NFATC1: variants seen among roughly 807,000 people sequenced by gnomAD.
NFATC1 encodes the protein nuclear factor of activated T cells 1.
A neutral mutation model predicts 76.0 loss-of-function variants in NFATC1; 22 were observed. That is an observed-to-expected ratio of 0.29 (90% CI 0.21 to 0.41). The LOEUF (loss-of-function observed/expected upper bound fraction) is 0.41. Ranked by LOEUF, NFATC1 falls within the 10% of genes least tolerant of loss-of-function variation. NFATC1 has a pLI of 1.00. For synonymous variants in NFATC1, 704 were observed against 613.1 expected (o/e 1.15, Z -2.19); for missense variants, 1,357 against 1,337.7 (o/e 1.01, Z -0.23).
chr18:79,401,679 C>T lies in NFATC1; in HGVS notation c.127+5328C>T, dbSNP rs192160626. On this transcript the variant is annotated intron_variant, in intron 1 of 9. Transcript: ENST00000427363. ...GAGTGTCGCCCCACTCCCGACCTCT[C>T]TTTATGGGGTGAAAGTCGGTCCCAT... Among the ~76,000 whole-genome samples the T allele has an allele frequency of 2.5e-3, 384 of 152,370 alleles. 6 individuals are homozygous for T. The highest frequency in any genetic ancestry group is 0.02 in the Admixed American group (302 of 15,310).
chr18:79,450,217 T>G (rs2087404369), intron 4 of NFATC1, among the ~76,000 whole-genome samples: 1 of 152,170 alleles, frequency 6.6e-6, no homozygotes, highest in Non-Finnish European at 1.5e-5. Flanking sequence ...TCTCTTAACT[T>G]ACTGAAAAAT....
chr18:79,507,813 G>T (rs567606223), intron 9 of NFATC1, among the ~76,000 whole-genome samples: 1 of 152,250 alleles, frequency 6.6e-6, no homozygotes, highest in Non-Finnish European at 1.5e-5. Flanking sequence ...GTGCTTTTAC[G>T]TGAGAAGTTA....
At position 79,515,259 on chromosome 18, in the gene NFATC1, C is replaced by A. The variant is rs985424484; in HGVS notation, c.2783-12269C>A. ...ACTCAGGAGGCTGAGGCAGGAGAAT[C>A]GCTTGAACCTGGAAGGTTGCAGTGA... On this transcript the variant is annotated intron_variant, in intron 9 of 9. Transcript: ENST00000427363. Among the ~76,000 whole-genome samples the A allele has an allele frequency of 4.7e-5, 7 of 150,106 alleles. 1 individual carries two copies. Among genetic ancestry groups the A allele is most frequent in the Admixed American group, 4.7e-4 (7 of 15,016 alleles).
chr18:79,398,786 A>G (rs1275324577), intron 1 of NFATC1, among the ~76,000 whole-genome samples: 1 of 152,254 alleles, frequency 6.6e-6, no homozygotes, highest in African/African-American at 2.4e-5. Context: ...AACAATGTAC[A>G]GGCCGGGCGC....
intron 9 of NFATC1, among the ~76,000 whole-genome samples, chr18:79,488,896 G>A (rs2089598569): frequency 6.8e-6 from 1 of 148,074 alleles, no homozygotes; most frequent in African/African-American, 2.5e-5. Context: ...TCCCGGTCAT[G>A]TTTCTGCTGC....
intron 9 of NFATC1, among the ~76,000 whole-genome samples, chr18:79,507,625 G>A (rs965626535): frequency 6.6e-6 from 1 of 152,236 alleles, no homozygotes; most frequent in Admixed American, 6.5e-5. Flanking sequence ...GACGAGCCCT[G>A]GGCCAGGGGA....
chr18:79,406,845 G>A (rs538668587), intron 1 of NFATC1, among the ~76,000 whole-genome samples: 23 of 151,912 alleles, frequency 1.5e-4, no homozygotes, highest in Non-Finnish European at 3.1e-4. Flanking sequence ...CCCAGCCGCA[G>A]AGCCAGCCAC....
chr18:79,506,359 TC>T (rs1028133881), intron 9 of NFATC1, among the ~76,000 whole-genome samples: 1 of 152,012 alleles, frequency 6.6e-6, no homozygotes. Flanking sequence ...GTGCGCCTTG[TC>T]CCCCCATCTT....
At chr18:79,477,239 C>T (rs1365398196) in intron 8 of NFATC1, among the ~76,000 whole-genome samples, 1 of 152,234 alleles carries the variant, frequency 6.6e-6, no homozygotes, top group East Asian at 1.9e-4. Flanking sequence ...TGTCATACAG[C>T]AAACAGAAGA....
At chr18:79,417,204 G>C (rs1161291911) in intron 2 of NFATC1, among the ~76,000 whole-genome samples, 1 of 143,344 alleles carries the variant, frequency 7.0e-6, no homozygotes, top group African/African-American at 2.6e-5. Context: ...TGGGAGATGG[G>C]CTGTGGTGGG....
chr18:79,512,212 C>T (rs776261257), intron 9 of NFATC1, among the ~76,000 whole-genome samples: 18 of 151,950 alleles, frequency 1.2e-4, no homozygotes, highest in Non-Finnish European at 2.5e-4. Context: ...CAGGACACGG[C>T]CTCGCCCCAG....
intron 9 of NFATC1, among the ~76,000 whole-genome samples, chr18:79,509,746 G>T (rs149145061): frequency 1.0e-4 from 16 of 152,382 alleles, no homozygotes; most frequent in African/African-American, 3.8e-4. Flanking sequence ...TGTGACAACT[G>T]TCAGCTCACG....
chr18:79,434,328 C>T (rs941583477), intron 3 of NFATC1, among the ~76,000 whole-genome samples: 2 of 152,236 alleles, frequency 1.3e-5, no homozygotes, highest in African/African-American at 2.4e-5. Context: ...TGTGGTGTGG[C>T]TTCCTCACCT....
chr18:79,427,378 C>T, intron 2 of NFATC1, among the ~76,000 whole-genome samples: 1 of 120,404 alleles, frequency 8.3e-6, no homozygotes. Flanking sequence ...TACGGCTGGC[C>T]TCTGTGCAGT....
intron 9 of NFATC1, among the ~76,000 whole-genome samples, chr18:79,491,340 A>G (rs1443721044): frequency 6.6e-6 from 1 of 152,144 alleles, no homozygotes; most frequent in Non-Finnish European, 1.5e-5. Context: ...GAGAGACAGA[A>G]ACAACACGAA....
At position 79,527,662 on chromosome 18, in the gene NFATC1, C is replaced by G. The variant is rs1267278332; in HGVS notation, c.*85C>G. ...TTGAATAAATAAACTGAACTCACAC[C>G]TGGTACCACTCAGAACCTCCAACTG... On this transcript the variant is annotated 3_prime_UTR_variant, in exon 10 of 10. Coordinates refer to ENST00000427363, the MANE Select transcript of NFATC1 (RefSeq NM_001278669.2). 8.2e-7 allele frequency: 1 copy of G among 1,219,958 alleles called. No homozygotes were observed. The highest frequency in any genetic ancestry group is 1.5e-5 in the African/African-American group (1 of 66,670). 75.6% of individuals were successfully genotyped at this position (1,219,958 alleles called of 1,614,324 possible). A position where few individuals can be genotyped will look rare whatever the true frequency, so the allele number is the denominator to read the frequency against.
intron 8 of NFATC1, among the ~76,000 whole-genome samples, chr18:79,472,771 G>A (rs758045307): frequency 5.3e-5 from 8 of 152,154 alleles, no homozygotes; most frequent in East Asian, 1.9e-4. Context: ...TCCTGCCACC[G>A]TGGCGGCTGC....
chr18:79,520,531 TG>T (rs771400789), intron 9 of NFATC1, among the ~76,000 whole-genome samples: 16 of 141,646 alleles, frequency 1.1e-4, no homozygotes, highest in South Asian at 2.3e-4. Flanking sequence ...ACTCTGTGTG[TG>T]GGGGGGGGAG....
intron 7 of NFATC1, among the ~76,000 whole-genome samples, chr18:79,464,084 G>A (rs566231989): frequency 6.6e-6 from 1 of 152,292 alleles, no homozygotes; most frequent in South Asian, 2.1e-4. Context: ...TTTACTGGTT[G>A]TTTTTTGTTT....
Sources: allele counts gnomAD v4.1 joint callset (sites outside exome capture counted in the v4.1 genomes callset), GRCh38; gene constraint gnomAD v4.1.1; transcripts MANE v1.5; gene names NCBI Gene and HGNC (gene_info 2026-07-23, HGNC 2026-07-21).